Variants in DUSP15 observed in about 807,000 individuals in gnomAD.
DUSP15 encodes the protein dual specificity protein phosphatase 15.
DUSP15 carries 23 observed loss-of-function variants against 26.3 expected under a neutral mutation model. That is an observed-to-expected ratio of 0.87 (90% CI 0.63 to 1.24). DUSP15 has a LOEUF of 1.24. DUSP15 is among the 50% of genes most tolerant of loss of function. DUSP15 has a pLI of 0.00. For missense variants in DUSP15, 364 were observed against 320.6 expected, an observed-to-expected ratio of 1.14 and a Z score of -1.03; for synonymous variants, 143 against 135.5, an observed-to-expected ratio of 1.06 and a Z score of -0.39.
Position 31,867,144 on chromosome 20 carries a change from T to C in DUSP15, c.65A>G (p.Asp22Gly). ...LYLGNFIDAKDLDQLGRNKIT... is the reference protein window; with the variant it reads ...LYLGNFIDAKGLDQLGRNKIT... The stretch of plus-strand genomic sequence containing the variant: ...CTTATTTCGGCCCAGCTGATCCAGG[T>C]CTTTGGCATCTGAAAGAAACAGGAT... The change falls in exon 3 of 7, where the codon GAC becomes GGC. Residue 22 changes from aspartate (D) to glycine (G), a missense_variant. Coordinates refer to ENST00000339738, the MANE Select transcript of DUSP15 (RefSeq NM_080611.5). The C allele has an allele frequency of 6.3e-7, 1 of 1,585,556 alleles. No homozygotes were observed. The highest frequency in any genetic ancestry group is 1.2e-5 in the South Asian group (1 of 86,624).
At chr20:31,853,743 G>A (rs571033247) in intron 6 of DUSP15, among the ~76,000 whole-genome samples, 12 of 151,782 alleles carry the variant, frequency 7.9e-5, no homozygotes, top group East Asian at 2.0e-4. Context: ...GACTACAGGC[G>A]CACCCCACCA....
chr20:31,849,025 A>G, intron 8 of DUSP15: 1 of 757,716 alleles, frequency 1.3e-6, no homozygotes. Flanking sequence ...CCCACATCCC[A>G]TTGTGTGCCT....
chr20:31,852,573 G>A (rs1429883490), intron 6 of DUSP15, among the ~76,000 whole-genome samples: 1 of 152,196 alleles, frequency 6.6e-6, no homozygotes, highest in African/African-American at 2.4e-5. Flanking sequence ...CACTTTGGGA[G>A]GCCAAGGTGG....
chr20:31,850,743 G>A, intron 6 of DUSP15: 1 of 1,526,514 alleles, frequency 6.6e-7, no homozygotes, highest in East Asian at 2.3e-5. Flanking sequence ...ATAAGGAGGA[G>A]GCCAGGGAGG....
At chr20:31,849,674 G>T (rs1438908355) in intron 8 of DUSP15, 2 of 1,529,910 alleles carry the variant, frequency 1.3e-6, no homozygotes, top group Non-Finnish European at 8.7e-7. Flanking sequence ...TGCACACCGC[G>T]CTCCAGGTGA....
At chr20:31,866,924 G>T in intron 3 of DUSP15, 147 bp downstream of exon 3, 2 of 757,580 alleles carry the variant, frequency 2.6e-6, no homozygotes, top group Non-Finnish European at 4.2e-6. Context: ...AAATAGGGAT[G>T]ATAATGTAAA....
chr20:31,851,087 G>A (rs1351020329), intron 6 of DUSP15, among the ~76,000 whole-genome samples: 2 of 152,216 alleles, frequency 1.3e-5, no homozygotes, highest in African/African-American at 2.4e-5. Context: ...CTGGGCTTTT[G>A]AGAAAAGAAC....
chr20:31,855,416 G>A (rs891849466), intron 6 of DUSP15, among the ~76,000 whole-genome samples: 23 of 152,184 alleles, frequency 1.5e-4, no homozygotes, highest in African/African-American at 5.1e-4. Context: ...AATGAGGGTC[G>A]ACTGTGTGTG....
intron 2 of DUSP15, 45 bp from the exon 3 acceptor site, chr20:31,867,198 C>A (rs752145521): frequency 2.6e-6 from 4 of 1,535,906 alleles, no homozygotes; most frequent in South Asian, 1.2e-5. Context: ...GGCGGGATGT[C>A]CTGATGGCCA....
At chr20:31,846,574 C>T (rs1030133737), downstream of DUSP15, among the ~76,000 whole-genome samples, 1 of 152,022 alleles carries the variant, frequency 6.6e-6, no homozygotes, top group African/African-American at 2.4e-5. Flanking sequence ...CCCTCTTCTC[C>T]CAGGCCTGTG....
chr20:31,863,746 C>T, intron 5 of DUSP15, 161 bp downstream of exon 5: 1 of 652,110 alleles, frequency 1.5e-6, no homozygotes, highest in Non-Finnish European at 2.7e-6. Flanking sequence ...GAATAGAGTC[C>T]CGGGTTGGCC....
intron 8 of DUSP15, chr20:31,848,986 G>T: frequency 8.6e-7 from 1 of 1,160,926 alleles, no homozygotes; most frequent in Non-Finnish European, 1.2e-6. Context: ...CCCATCTTGT[G>T]CTCATTTCCC....
At position 31,862,629 on chromosome 20, in the gene DUSP15, T is replaced by TTGGCGA; in HGVS notation, c.371_376dup (p.Ile124_Ala125dup). On this transcript the variant is annotated inframe_insertion, in exon 6 of 7. Coordinates refer to ENST00000339738, the MANE Select transcript of DUSP15 (RefSeq NM_080611.5). ...CTGCTGCCTAAAGCCTGGGTTGGGG[T>TTGGCGA]TGGCGATGGGCCTGGTGGCCTTGAT... The TTGGCGA allele has an allele frequency of 5.6e-6, 9 of 1,614,032 alleles. No individual in the cohort carries two copies. Among genetic ancestry groups the TTGGCGA allele is most frequent in the Non-Finnish European group, 7.6e-6 (9 of 1,179,974 alleles).
chr20:31,869,665 G>A, intron 1 of DUSP15, 68 bp from the exon 2 acceptor site: 3 of 1,589,520 alleles, frequency 1.9e-6, no homozygotes, highest in South Asian at 1.1e-5. Context: ...AGGGCAGCTG[G>A]GGGGCCCACA....
chr20:31,845,660 G>A (rs1041270741), downstream of DUSP15: 5 of 1,287,964 alleles, frequency 3.9e-6, no homozygotes, highest in South Asian at 5.9e-5. Flanking sequence ...CTCCCAGCCT[G>A]GAAAGGCAAA....
Position 31,867,125 on chromosome 20 carries a change from T to G in DUSP15, c.84A>C (p.Arg28=). 6.3e-7 allele frequency: 1 copy of G among 1,591,550 alleles called. No individual in the cohort carries two copies. The highest frequency in any genetic ancestry group is 1.1e-5 in the South Asian group (1 of 87,218). ...IDAKDLDQLG[R]NKITHIISIH... is the part of the protein sequence containing the mutation. ...TAGAGATGATGTGTGTGATCTTATT[T>G]CGGCCCAGCTGATCCAGGTCTTTGG... is the stretch of plus-strand genomic sequence containing the variant. Residue 28 remains arginine (R), a synonymous_variant, in exon 3 of 7, where the codon CGA becomes CGC. Transcript: ENST00000339738.
intron 6 of DUSP15, chr20:31,850,703 C>T (rs760792158): frequency 4.4e-6 from 7 of 1,603,980 alleles, no homozygotes; most frequent in Admixed American, 3.4e-5. Context: ...AGCAGTCAGG[C>T]ACCATCTCAC....
chr20:31,851,863 C>G (rs1466958249), intron 6 of DUSP15, among the ~76,000 whole-genome samples: 1 of 152,144 alleles, frequency 6.6e-6, no homozygotes, highest in Non-Finnish European at 1.5e-5. Context: ...GTAACTGCAT[C>G]AAGCAAGAGA....
intron 7 of DUSP15, chr20:31,849,994 T>G (rs1423396294): frequency 8.0e-7 from 1 of 1,246,074 alleles, no homozygotes; most frequent in Non-Finnish European, 1.1e-6. Context: ...ACCTCGGAAA[T>G]TTTGGGTGCT....
Sources: allele counts gnomAD v4.1 joint callset (sites outside exome capture counted in the v4.1 genomes callset), GRCh38; gene constraint gnomAD v4.1.1; transcripts MANE v1.5; gene names NCBI Gene and HGNC (gene_info 2026-07-23, HGNC 2026-07-21).